Variants in GALNTL6 observed in about 807,000 individuals in gnomAD.
The protein encoded by GALNTL6 is polypeptide N-acetylgalactosaminyltransferase-like 6.
GALNTL6 carries 46 observed loss-of-function variants against 73.7 expected under a neutral mutation model. The observed-to-expected ratio is 0.62, with a 90% confidence interval of 0.49 to 0.80. The LOEUF (loss-of-function observed/expected upper bound fraction) is 0.80, where lower values mean the gene tolerates loss of function less well. Ranked by LOEUF, GALNTL6 falls within the 30% of genes least tolerant of loss-of-function variation. GALNTL6 has a pLI of 0.00. For missense variants in GALNTL6, 604 were observed against 755.0 expected (o/e 0.80, Z 2.34); for synonymous variants, 259 against 263.7 (o/e 0.98, Z 0.17).
intron 2 of GALNTL6, among the ~76,000 whole-genome samples, chr4:172,084,531 G>A (rs1466170418): frequency 6.6e-6 from 1 of 152,130 alleles, no homozygotes; most frequent in Non-Finnish European, 1.5e-5. Flanking sequence ...ACAGTGCAAT[G>A]GTGTGATCAC....
At chr4:172,683,980 GAA>G (rs1342904978) in intron 5 of GALNTL6, among the ~76,000 whole-genome samples, 1 of 152,020 alleles carries the variant, frequency 6.6e-6, no homozygotes, top group East Asian at 1.9e-4. Flanking sequence ...TCATCTTCCA[GAA>G]AAAAAGTCAT....
intron 3 of GALNTL6, among the ~76,000 whole-genome samples, chr4:172,284,683 CT>C (rs1739187800): frequency 6.6e-6 from 1 of 152,144 alleles, no homozygotes; most frequent in African/African-American, 2.4e-5. Flanking sequence ...AGATTTGGGT[CT>C]GTTTTCAGTC....
At chr4:172,298,697 T>C (rs929440837) in intron 3 of GALNTL6, among the ~76,000 whole-genome samples, 3 of 152,222 alleles carry the variant, frequency 2.0e-5, no homozygotes, top group Non-Finnish European at 4.4e-5. Flanking sequence ...TGAACCAGGC[T>C]TGCATCCCAG....
intron 3 of GALNTL6, among the ~76,000 whole-genome samples, chr4:172,294,197 T>G (rs375965653): frequency 6.6e-6 from 1 of 152,098 alleles, no homozygotes; most frequent in African/African-American, 2.4e-5. Context: ...TTTTCTAATC[T>G]TTTTTATTTT....
intron 5 of GALNTL6, among the ~76,000 whole-genome samples, chr4:172,496,534 A>G (rs1451392622): frequency 1.3e-5 from 2 of 152,086 alleles, no homozygotes; most frequent in African/African-American, 4.8e-5. Flanking sequence ...TACAAAATAA[A>G]AAATAAAAAA....
chr4:171,961,223 G>A (rs1739209956), intron 2 of GALNTL6, among the ~76,000 whole-genome samples: 1 of 152,070 alleles, frequency 6.6e-6, no homozygotes, highest in South Asian at 2.1e-4. Context: ...AATCAGATTT[G>A]ACTTATAGAG....
chr4:172,492,296 T>C (rs995178793), intron 5 of GALNTL6, among the ~76,000 whole-genome samples: 1 of 152,100 alleles, frequency 6.6e-6, no homozygotes, highest in Admixed American at 6.5e-5. Context: ...ATAAAACCAA[T>C]GAGATTTTTT....
chr4:172,715,971 A>G (rs1735055831), intron 5 of GALNTL6, among the ~76,000 whole-genome samples: 1 of 152,198 alleles, frequency 6.6e-6, no homozygotes, highest in Non-Finnish European at 1.5e-5. Context: ...ATTTATCTAT[A>G]GACTGGCGTT....
intron 9 of GALNTL6, among the ~76,000 whole-genome samples, chr4:172,933,779 G>T (rs939373619): frequency 1.3e-5 from 2 of 151,940 alleles, no homozygotes; most frequent in African/African-American, 4.8e-5. Context: ...TCAAATGCAG[G>T]GCCACGTCTA....
chr4:171,933,723 T>TC (rs1738258085), intron 2 of GALNTL6, among the ~76,000 whole-genome samples: 1 of 152,110 alleles, frequency 6.6e-6, no homozygotes, highest in Non-Finnish European at 1.5e-5. Flanking sequence ...TAATTTTTTT[T>TC]CTCTTGTTAT....
intron 5 of GALNTL6, chr4:172,380,184 G>A (rs1743227544): frequency 8.8e-6 from 9 of 1,018,330 alleles, no homozygotes; most frequent in African/African-American, 4.7e-5. Flanking sequence ...AGAACTGTGC[G>A]GATCTGCAGG....
intron 5 of GALNTL6, among the ~76,000 whole-genome samples, chr4:172,368,297 C>T (rs1742643909): frequency 6.6e-6 from 1 of 152,106 alleles, no homozygotes; most frequent in South Asian, 2.1e-4. Context: ...AAGAAAATTG[C>T]ATGAACTTGG....
At chr4:172,434,120 C>A (rs1731554625) in intron 5 of GALNTL6, among the ~76,000 whole-genome samples, 1 of 152,148 alleles carries the variant, frequency 6.6e-6, no homozygotes, top group Non-Finnish European at 1.5e-5. Context: ...TATATTTTAG[C>A]AAATTTTCTT....
chr4:172,390,016 T>C (rs1239023229), intron 5 of GALNTL6, among the ~76,000 whole-genome samples: 2 of 152,184 alleles, frequency 1.3e-5, no homozygotes, highest in African/African-American at 2.4e-5. Context: ...TGATGAATGA[T>C]ATACTTTCTC....
chr4:172,601,171 C>T (rs1267143222), intron 5 of GALNTL6, among the ~76,000 whole-genome samples: 1 of 152,120 alleles, frequency 6.6e-6, no homozygotes, highest in African/African-American at 2.4e-5. Flanking sequence ...GAAATAAAAA[C>T]TCACTAGATG....
Position 173,016,681 on chromosome 4 carries a change from C to T in GALNTL6, c.1489-4795C>T, listed in dbSNP as rs572361850. Among the ~76,000 whole-genome samples, 202 of 152,214 alleles carry T rather than the reference C, an allele frequency of 1.3e-3. 3 individuals are homozygous for T. The highest frequency in any genetic ancestry group is 4.5e-3 in the African/African-American group (186 of 41,524). On this transcript the variant is annotated intron_variant, in intron 11 of 12. Transcript: ENST00000506823. ...GCATTTGATTTTACAGGCTCATAGG[C>T]GGAGGGTACTTGCCTTGTCTCAGAT...
chr4:171,988,504 A>G (rs1416219005), intron 2 of GALNTL6, among the ~76,000 whole-genome samples: 5 of 152,128 alleles, frequency 3.3e-5, no homozygotes, highest in African/African-American at 1.2e-4. Flanking sequence ...ATAGTAAAGA[A>G]AGCATGTTTG....
At chr4:172,315,450 A>G (rs1348469870) in intron 4 of GALNTL6, among the ~76,000 whole-genome samples, 1 of 152,164 alleles carries the variant, frequency 6.6e-6, no homozygotes, top group Non-Finnish European at 1.5e-5. Flanking sequence ...TTTAGTAGAG[A>G]CAGAGTTTCT....
chr4:172,294,072 A>G (rs1456575205), intron 3 of GALNTL6, among the ~76,000 whole-genome samples: 2 of 151,656 alleles, frequency 1.3e-5, no homozygotes, highest in African/African-American at 4.8e-5. Flanking sequence ...TCGTCTTCTT[A>G]CAATGCTACA....
Sources: gnomAD v4.1 joint callset for allele counts (sites outside exome capture counted in the v4.1 genomes callset) on GRCh38, gnomAD v4.1.1 for gene constraint, MANE v1.5 for transcripts, NCBI Gene and HGNC (gene_info 2026-07-23, HGNC 2026-07-21) for gene names.